MRPL14: variants seen among roughly 807,000 people sequenced by gnomAD.
The protein encoded by MRPL14 is mitochondrial ribosomal protein L14.
In MRPL14, 8 loss-of-function variants were observed where a neutral mutation model predicts 10.9. The observed-to-expected ratio is 0.74, with a 90% CI of 0.43 to 1.33. The LOEUF (loss-of-function observed/expected upper bound fraction) is 1.33. MRPL14 is among the 40% of genes most tolerant of loss of function. MRPL14 has a pLI of 0.01. For missense variants in MRPL14, 179 were observed against 194.5 expected, an observed-to-expected ratio of 0.92 and a Z score of 0.47; for synonymous variants, 82 against 74.1, an observed-to-expected ratio of 1.11 and a Z score of -0.54.
At chr6:44,115,856 T>A (rs1332917032) in intron 2 of MRPL14, among the ~76,000 whole-genome samples, 1 of 152,214 alleles carries the variant, frequency 6.6e-6, no homozygotes, top group Non-Finnish European at 1.5e-5. Flanking sequence ...CTCCTCCTCT[T>A]CCTCCACTAG....
chr6:44,115,536 ACTTC>A (rs1309431319), intron 2 of MRPL14, among the ~76,000 whole-genome samples: 3 of 151,966 alleles, frequency 2.0e-5, no homozygotes, highest in East Asian at 1.9e-4. Flanking sequence ...CCCGCCAACA[ACTTC>A]CTTCATTTAG....
Position 44,114,027 on chromosome 6 carries a change from A to G in MRPL14, c.254T>C (p.Leu85Pro). The change falls in exon 3 of 3, where the codon CTC (leucine) becomes CCC (proline). Residue 85 changes from leucine (L) to proline (P), a missense_variant. Coordinates refer to ENST00000372014, the MANE Select transcript of MRPL14 (RefSeq NM_032111.4). ...LAIKGQKKKALIVGHCMPGPR... is the reference protein window; with the variant it reads ...LAIKGQKKKAPIVGHCMPGPR... ...GCCAGGCATGCAGTGCCCCACAATG[A>G]GCGCCTTTTTCTTCTGTCCCTTGAT... 1 of 1,614,146 alleles carries G rather than the reference A, an allele frequency of 6.2e-7. No homozygotes were observed. The highest frequency in any genetic ancestry group is 8.5e-7 in the Non-Finnish European group (1 of 1,180,014).
chr6:44,115,900 C>G (rs910423061), intron 2 of MRPL14, among the ~76,000 whole-genome samples: 1 of 150,904 alleles, frequency 6.6e-6, no homozygotes, highest in Admixed American at 6.6e-5. Context: ...AAGCACTGTA[C>G]AATCCTCTAT....
intron 1 of MRPL14, among the ~76,000 whole-genome samples, chr6:44,117,417 A>G (rs61746570): frequency 0.032 from 4,945 of 152,248 alleles, 278 homozygotes; most frequent in African/African-American, 0.11. Context: ...ACACCTGAAC[A>G]TCACTTCAGA....
At chr6:44,116,481 C>A in intron 2 of MRPL14, 60 bp downstream of exon 2, 1 of 1,537,190 alleles carries the variant, frequency 6.5e-7, no homozygotes, top group South Asian at 1.1e-5. Context: ...CCGTAATACC[C>A]AGCCCTGATA....
chr6:44,120,512 T>G (rs1190117128), intron 1 of MRPL14, among the ~76,000 whole-genome samples: 1 of 152,220 alleles, frequency 6.6e-6, no homozygotes, highest in Non-Finnish European at 1.5e-5. Flanking sequence ...GACTTTTCAC[T>G]AGCTTTTTAG....
At chr6:44,117,661 C>T (rs1271330442) in intron 1 of MRPL14, among the ~76,000 whole-genome samples, 1 of 151,916 alleles carries the variant, frequency 6.6e-6, no homozygotes, top group Non-Finnish European at 1.5e-5. Context: ...CCTAGACACT[C>T]CATACTTTTT....
chr6:44,122,624 T>C (rs1244715245), intron 1 of MRPL14, among the ~76,000 whole-genome samples: 1 of 152,156 alleles, frequency 6.6e-6, no homozygotes, highest in African/African-American at 2.4e-5. Flanking sequence ...TAAGTAGTAC[T>C]TAGATATGAT....
At chr6:44,124,076 G>C (rs1330630355) in intron 1 of MRPL14, among the ~76,000 whole-genome samples, 1 of 152,166 alleles carries the variant, frequency 6.6e-6, no homozygotes, top group Non-Finnish European at 1.5e-5. Context: ...AACTGCACAA[G>C]TCAAAGTAAA....
Position 44,120,718 on chromosome 6 carries a change from A to G in MRPL14, c.-18-4089T>C, listed in dbSNP as rs79959685. On this transcript the variant is annotated intron_variant, in intron 1 of 2. Transcript: ENST00000372014. The stretch of plus-strand genomic sequence containing the variant: ...TAGCAAAAGACCCCAGCCAGTCCTG[A>G]TAACAGTAGGAGTGCAATAAATACT... Among the ~76,000 whole-genome samples, 1,153 of 152,368 alleles carry G rather than the reference A, an allele frequency of 7.6e-3. 14 individuals are homozygous for G. The highest frequency in any genetic ancestry group is 0.026 in the African/African-American group (1,101 of 41,580).
intron 1 of MRPL14, among the ~76,000 whole-genome samples, chr6:44,120,292 T>C (rs1050461830): frequency 6.6e-6 from 1 of 152,246 alleles, no homozygotes; most frequent in Non-Finnish European, 1.5e-5. Flanking sequence ...TAAATTTGTA[T>C]ACTTTGAGAT....
chr6:44,125,507 T>A (rs1776886337), intron 1 of MRPL14, among the ~76,000 whole-genome samples: 1 of 151,578 alleles, frequency 6.6e-6, no homozygotes, highest in South Asian at 2.1e-4. Context: ...AATACAAAAA[T>A]TAGCCAGGAG....
At chr6:44,116,907 A>G (rs1398564387) in intron 1 of MRPL14, among the ~76,000 whole-genome samples, 4 of 152,216 alleles carry the variant, frequency 2.6e-5, no homozygotes, top group African/African-American at 7.2e-5. Flanking sequence ...CTTCCTTATT[A>G]TATCACTTCC....
Position 44,114,123 on chromosome 6 carries a change from C to T in MRPL14, c.158G>A (p.Arg53Gln), listed in dbSNP as rs780707058. ...NSALGNSPYHRAPRCIHVYKK... is the reference protein window; with the variant it reads ...NSALGNSPYHQAPRCIHVYKK... ...ATAGACATGGATGCAGCGAGGAGCC[C>T]GATGGTATGGGCTGTTCCCCAGGGC... The change falls in exon 3 of 3, where the codon CGG (arginine) becomes CAG (glutamine). Residue 53 changes from arginine to glutamine, a missense_variant. By Grantham distance (43) the Arg-to-Gln change is conservative. Coordinates refer to ENST00000372014, the MANE Select transcript of MRPL14 (RefSeq NM_032111.4). 5 of 1,614,012 alleles carry T rather than the reference C, an allele frequency of 3.1e-6. No individual in the cohort carries two copies. The highest frequency in any genetic ancestry group is 1.3e-5 in the African/African-American group (1 of 74,884).
chr6:44,113,834 G>C lies in MRPL14; in HGVS notation c.*9C>G, dbSNP rs41282652. ...TCACGAGTCCTGCAACCAGAGGCCT[G>C]GGCTCAACTCACACAAAGTTCTGAG... On this transcript the variant is annotated 3_prime_UTR_variant, in exon 3 of 3. Coordinates refer to ENST00000372014, the MANE Select transcript of MRPL14 (RefSeq NM_032111.4). The C allele has an allele frequency of 6.5e-7, 1 of 1,541,536 alleles. No homozygotes were observed. The highest frequency in any genetic ancestry group is 1.9e-5 in the Admixed American group (1 of 51,692).
At chr6:44,119,390 T>C (rs1027734430) in intron 1 of MRPL14, among the ~76,000 whole-genome samples, 1 of 151,892 alleles carries the variant, frequency 6.6e-6, no homozygotes, top group Admixed American at 6.6e-5. Context: ...AAGCCGGGCA[T>C]GGTGGCGGCC....
intron 1 of MRPL14, among the ~76,000 whole-genome samples, chr6:44,117,442 G>C (rs930243927): frequency 2.6e-5 from 4 of 152,168 alleles, no homozygotes; most frequent in Non-Finnish European, 4.4e-5. Context: ...GCTTCAGAAA[G>C]GCCTGTAGCC....
At chr6:44,120,806 T>G (rs2396167) in intron 1 of MRPL14, among the ~76,000 whole-genome samples, 92,807 of 152,018 alleles carry the variant, frequency 0.61, 29,674 homozygotes, top group East Asian at 0.82. Context: ...CTGACGGAGG[T>G]AAATCCAGAA....
intron 1 of MRPL14, among the ~76,000 whole-genome samples, chr6:44,119,894 T>C (rs1260269809): frequency 6.6e-6 from 1 of 151,744 alleles, no homozygotes; most frequent in Non-Finnish European, 1.5e-5. Context: ...ACATTCCCTC[T>C]CCCGAGAAGT....
Sources: allele counts gnomAD v4.1 joint callset (sites outside exome capture counted in the v4.1 genomes callset), GRCh38; gene constraint gnomAD v4.1.1; transcripts MANE v1.5; gene names NCBI Gene and HGNC (gene_info 2026-07-23, HGNC 2026-07-21).